The following ATP8A2 variants were observed in gnomAD, a reference collection of about 807,000 sequenced individuals.
The protein encoded by ATP8A2 is phospholipid-transporting ATPase IB.
ATP8A2 carries 100 observed loss-of-function variants against 165.6 expected under a neutral mutation model. The ratio of observed to expected loss-of-function variants is 0.60; its 90% CI spans 0.51 to 0.71. The LOEUF (loss-of-function observed/expected upper bound fraction) is 0.71, where lower values mean the gene tolerates loss of function less well. ATP8A2 is among the 30% of genes least tolerant of loss of function. The pLI is 0.00. For missense variants in ATP8A2, 1,227 were observed against 1,479.5 expected (o/e 0.83, Z 2.80); for synonymous variants, 543 against 548.8 (o/e 0.99, Z 0.15).
chr13:25,383,735 C>A (rs1302638848), intron 1 of ATP8A2, among the ~76,000 whole-genome samples: 2 of 152,042 alleles, frequency 1.3e-5, no homozygotes, highest in African/African-American at 2.4e-5. Flanking sequence ...CTTACTTTGT[C>A]CCTAACAATG....
intron 26 of ATP8A2, among the ~76,000 whole-genome samples, chr13:25,773,898 C>T (rs914601230): frequency 6.6e-6 from 1 of 151,850 alleles, no homozygotes; most frequent in African/African-American, 2.4e-5. Context: ...CCGTGTGTGT[C>T]TATATGTGTG....
chr13:25,542,772 A>T (rs2038524162), intron 9 of ATP8A2, among the ~76,000 whole-genome samples: 1 of 152,152 alleles, frequency 6.6e-6, no homozygotes, highest in Admixed American at 6.6e-5. Flanking sequence ...ACATAGCTAT[A>T]CTATGGGCTC....
intron 27 of ATP8A2, among the ~76,000 whole-genome samples, chr13:25,807,146 T>C (rs1448490125): frequency 1.1e-5 from 1 of 90,714 alleles, no homozygotes; most frequent in African/African-American, 3.6e-5. Context: ...TTTCACCTTC[T>C]TTATAGTGTT....
intron 35 of ATP8A2, among the ~76,000 whole-genome samples, chr13:26,002,475 T>G (rs1176201048): frequency 6.6e-6 from 1 of 151,498 alleles, no homozygotes; most frequent in African/African-American, 2.4e-5. Flanking sequence ...AATGACAAGT[T>G]AATGGGTGCA....
chr13:25,859,208 A>C (rs912965970), intron 30 of ATP8A2, among the ~76,000 whole-genome samples: 1 of 151,910 alleles, frequency 6.6e-6, no homozygotes, highest in African/African-American at 2.4e-5. Flanking sequence ...TCTCAAAAAC[A>C]AAACAAAACA....
At chr13:25,732,760 A>C (rs2043678907) in intron 25 of ATP8A2, among the ~76,000 whole-genome samples, 1 of 152,194 alleles carries the variant, frequency 6.6e-6, no homozygotes, top group East Asian at 1.9e-4. Context: ...GGAAAAATAT[A>C]TATAATTTAT....
intron 27 of ATP8A2, among the ~76,000 whole-genome samples, chr13:25,814,606 C>T (rs571629721): frequency 1.0e-4 from 13 of 128,948 alleles, no homozygotes; most frequent in East Asian, 4.4e-4. Context: ...ACAAGAGTGC[C>T]GAGAGCATTC....
intron 25 of ATP8A2, among the ~76,000 whole-genome samples, chr13:25,724,304 T>G (rs2043447628): frequency 6.6e-6 from 1 of 152,190 alleles, no homozygotes; most frequent in Non-Finnish European, 1.5e-5. Context: ...CAGAGAAAGA[T>G]TCAGCCTGGG....
chr13:25,656,050 C>T (rs1324958147), intron 24 of ATP8A2, among the ~76,000 whole-genome samples: 1 of 152,160 alleles, frequency 6.6e-6, no homozygotes, highest in Non-Finnish European at 1.5e-5. Flanking sequence ...GTCCCAGTGC[C>T]TGGTTGAATC....
intron 24 of ATP8A2, among the ~76,000 whole-genome samples, chr13:25,669,388 A>G (rs750896839): frequency 7.2e-5 from 11 of 152,260 alleles, no homozygotes; most frequent in Non-Finnish European, 1.6e-4. Context: ...AAGAAAAGAA[A>G]AAAACAAAAC....
At chr13:25,426,093 G>C (rs901667071) in intron 1 of ATP8A2, among the ~76,000 whole-genome samples, 2 of 152,180 alleles carry the variant, frequency 1.3e-5, no homozygotes, top group African/African-American at 4.8e-5. Context: ...AGGGAGAGAT[G>C]AATGAGTGGA....
intron 30 of ATP8A2, among the ~76,000 whole-genome samples, chr13:25,848,754 A>G (rs529703679): frequency 3.9e-5 from 6 of 152,264 alleles, no homozygotes; most frequent in African/African-American, 1.4e-4. Context: ...GCAACCTCCG[A>G]TACTTTATAC....
At chr13:25,950,185 G>A (rs545955405) in intron 33 of ATP8A2, among the ~76,000 whole-genome samples, 1 of 152,250 alleles carries the variant, frequency 6.6e-6, no homozygotes, top group African/African-American at 2.4e-5. Context: ...TATCTCAGGG[G>A]CGATATACTG....
At chr13:25,738,333 G>GCCT (rs1263987967) in intron 25 of ATP8A2, among the ~76,000 whole-genome samples, 3 of 43,100 alleles carry the variant, frequency 7.0e-5, no homozygotes, top group Non-Finnish European at 1.4e-4. Context: ...TTCTTTTTGT[G>GCCT]CCCCCCTCCC....
In ATP8A2 at chr13:26,012,572, A is replaced by G; in HGVS notation, c.3419A>G (p.Lys1140Arg). The G allele has an allele frequency of 2.6e-6, 4 of 1,532,212 alleles. No individual in the cohort carries two copies. Among genetic ancestry groups the G allele is most frequent in the Non-Finnish European group, 3.5e-6 (4 of 1,139,458 alleles). 94.9% of individuals were successfully genotyped at this position (1,532,212 alleles called of 1,614,324 possible). ...RDRLIKRLGRKTPPTLFRGSS... is the reference protein window; with the variant it reads ...RDRLIKRLGRRTPPTLFRGSS... ...CGCCTGATCAAGAGGCTGGGCCGGAAGACGCCCCCGACGCTGTTCCGGGGC... is the reference window on the plus strand; with the variant it reads ...CGCCTGATCAAGAGGCTGGGCCGGAGGACGCCCCCGACGCTGTTCCGGGGC... The change falls in exon 36 of 37, where the codon AAG becomes AGG. Residue 1140 changes from lysine to arginine, a missense_variant. By Grantham distance (26) the Lys-to-Arg change is conservative. Transcript: ENST00000381655.
At chr13:25,977,026 T>TCCTCCCCCACCCCCACCC (rs1566319946) in intron 35 of ATP8A2, among the ~76,000 whole-genome samples, 1 of 125,366 alleles carries the variant, frequency 8.0e-6, no homozygotes, top group African/African-American at 3.2e-5. Context: ...GACCTTGTGA[T>TCCTCCCCCACCCCCACCC]CCACCCCCAC....
At chr13:25,872,660 C>G (rs1229849929) in intron 33 of ATP8A2, among the ~76,000 whole-genome samples, 1 of 152,136 alleles carries the variant, frequency 6.6e-6, no homozygotes. Flanking sequence ...TAAGCGAGGC[C>G]TCTTTCTCTT....
At chr13:25,795,807 G>A (rs1950487546) in intron 27 of ATP8A2, among the ~76,000 whole-genome samples, 1 of 152,072 alleles carries the variant, frequency 6.6e-6, no homozygotes, top group Admixed American at 6.6e-5. Flanking sequence ...TTTTTTTCTG[G>A]TCCTTTATTG....
intron 33 of ATP8A2, among the ~76,000 whole-genome samples, chr13:25,880,744 C>T (rs1379342235): frequency 6.6e-6 from 1 of 152,166 alleles, no homozygotes; most frequent in Non-Finnish European, 1.5e-5. Flanking sequence ...TCACCTATCC[C>T]TTCATGCCCC....
Sources: gnomAD v4.1 joint callset for allele counts (sites outside exome capture counted in the v4.1 genomes callset) on GRCh38, gnomAD v4.1.1 for gene constraint, MANE v1.5 for transcripts, NCBI Gene and HGNC (gene_info 2026-07-23, HGNC 2026-07-21) for gene names.